The following PIK3C2G variants were observed in gnomAD, a reference collection of about 807,000 sequenced individuals.
PIK3C2G encodes phosphatidylinositol-4-phosphate 3-kinase catalytic subunit type 2 gamma.
In PIK3C2G, 168 loss-of-function variants were observed where a neutral mutation model predicts 181.1. The observed-to-expected ratio is 0.93, with a 90% CI of 0.82 to 1.05. The LOEUF is 1.05. Among genes scored for constraint, PIK3C2G ranks in the 50% least tolerant of loss-of-function variants. The pLI, the probability that PIK3C2G is intolerant of heterozygous loss-of-function variation, is 0.00. For synonymous variants in PIK3C2G, 573 were observed against 592.2 expected (o/e 0.97, Z 0.47); for missense variants, 1,869 against 1,732.8 (o/e 1.08, Z -1.40).
At chr12:18,589,725 A>G (rs1946975651) in intron 29 of PIK3C2G, among the ~76,000 whole-genome samples, 1 of 152,016 alleles carries the variant, frequency 6.6e-6, no homozygotes, top group Non-Finnish European at 1.5e-5. Flanking sequence ...CACTCAGAGA[A>G]TACAATTTGT....
intron 18 of PIK3C2G, among the ~76,000 whole-genome samples, chr12:18,458,402 A>C (rs973575143): frequency 1.3e-5 from 2 of 152,176 alleles, no homozygotes; most frequent in African/African-American, 2.4e-5. Context: ...AGTCTTGCTT[A>C]GCACCATGCC....
intron 2 of PIK3C2G, chr12:18,285,534 T>C (rs1409609206): frequency 6.6e-6 from 1 of 152,014 alleles, no homozygotes; most frequent in African/African-American, 2.4e-5. Context: ...TGTATGTGGA[T>C]AAAAACTATT....
chr12:18,374,376 C>G (rs1040584754), intron 13 of PIK3C2G, among the ~76,000 whole-genome samples: 3 of 152,138 alleles, frequency 2.0e-5, no homozygotes, highest in Admixed American at 6.5e-5. Flanking sequence ...TCAGATGTAT[C>G]TTCAAAATCA....
rs199960350 is a variant in PIK3C2G, at chr12:18,640,436, C to T, written c.4190C>T (p.Pro1397Leu). The change falls in exon 32 of 33, where the codon CCA (proline) becomes CTA (leucine). Residue 1397 changes from proline (P) to leucine (L), a missense_variant. Coordinates refer to ENST00000538779, the MANE Select transcript of PIK3C2G (RefSeq NM_001288772.2). ...LVKHMKNIHL[P>L]DGSAPSAHVE... Reference sequence around the variant, plus strand: ...AACCATTTTCCTTTGCAGCATCTCCCAGATGGCTCTGCGCCCAGTGCACAT... The same window carrying T: ...AACCATTTTCCTTTGCAGCATCTCCTAGATGGCTCTGCGCCCAGTGCACAT... 6.8e-6 allele frequency: 11 copies of T among 1,609,604 alleles called. No individual in the cohort carries two copies. Among genetic ancestry groups the T allele is most frequent in the Non-Finnish European group, 9.3e-6 (11 of 1,177,576 alleles).
intron 18 of PIK3C2G, among the ~76,000 whole-genome samples, chr12:18,428,687 T>C (rs188084948): frequency 1.3e-5 from 2 of 152,136 alleles, no homozygotes; most frequent in Admixed American, 1.3e-4. Context: ...AGAGGTGAAA[T>C]TGACTTAGGC....
the PIK3C2G span, among the ~76,000 whole-genome samples, chr12:18,680,669 T>C: frequency 6.6e-6 from 1 of 152,054 alleles, no homozygotes; most frequent in South Asian, 2.1e-4. Flanking sequence ...AGTCAGAATT[T>C]GTCCAGCCAA....
At chr12:18,606,816 A>G (rs1187858290) in intron 30 of PIK3C2G, among the ~76,000 whole-genome samples, 1 of 152,124 alleles carries the variant, frequency 6.6e-6, no homozygotes, top group South Asian at 2.1e-4. Flanking sequence ...ACCAAAGATT[A>G]TAAGGGAAAT....
intron 31 of PIK3C2G, among the ~76,000 whole-genome samples, chr12:18,639,255 A>AAT (rs553644517): frequency 1.3e-5 from 2 of 152,138 alleles, no homozygotes; most frequent in South Asian, 4.1e-4. Flanking sequence ...GTCCTATAAT[A>AAT]ATATATATCA....
At chr12:18,403,399 CTA>C (rs1944360020) in intron 16 of PIK3C2G, among the ~76,000 whole-genome samples, 1 of 152,134 alleles carries the variant, frequency 6.6e-6, no homozygotes, top group Admixed American at 6.6e-5. Flanking sequence ...TTTTACTGAA[CTA>C]TTAAAAAACT....
chr12:18,697,868 C>A, the PIK3C2G span, among the ~76,000 whole-genome samples: 3 of 139,036 alleles, frequency 2.2e-5, no homozygotes, highest in African/African-American at 8.7e-5. Flanking sequence ...CCTTTGCAGA[C>A]ATCATTGATT....
intron 28 of PIK3C2G, among the ~76,000 whole-genome samples, 168 bp from the exon 29 acceptor site, chr12:18,566,781 C>G (rs1422531233): frequency 1.3e-5 from 2 of 151,966 alleles, no homozygotes; most frequent in African/African-American, 4.8e-5. Flanking sequence ...GCATGAATGA[C>G]CACAGCCATA....
In PIK3C2G at chr12:18,594,572, A is replaced by G. The variant is rs1429413496; in HGVS notation, c.4087+3A>G. The G allele has an allele frequency of 2.7e-6, 4 of 1,478,056 alleles. No individual in the cohort carries two copies. The highest frequency in any genetic ancestry group is 2.7e-5 in the South Asian group (2 of 73,558). The allele number at this position is 1,478,056 out of a possible 1,614,324, so 91.6% of individuals were successfully genotyped here. ...AGAATCATCACCTGTGTACCTAGGTAAGTAAATTTGTCATTATATTACGTA... is the reference window on the plus strand; with the variant it reads ...AGAATCATCACCTGTGTACCTAGGTGAGTAAATTTGTCATTATATTACGTA... On this transcript the variant is annotated splice_donor_region_variant and intron_variant, in intron 30 of 32. Transcript: ENST00000538779.
Position 18,603,688 on chromosome 12 carries a change from C to T in PIK3C2G, c.4088-5847C>T, listed in dbSNP as rs143091963. ...AGCAGATTTCTCAGCAAAAACCCTA[C>T]AAGCTAGAAAGCATTTGGGCCCTAT... On this transcript the variant is annotated intron_variant, in intron 30 of 32. Transcript: ENST00000538779. 4.3e-3 allele frequency among the ~76,000 whole-genome samples: 660 copies of T among 152,164 alleles called. 6 individuals carry two copies. The highest frequency in any genetic ancestry group is 0.015 in the African/African-American group (632 of 41,430).
the PIK3C2G span, among the ~76,000 whole-genome samples, chr12:18,680,311 T>G: frequency 1.3e-5 from 2 of 152,044 alleles, no homozygotes; most frequent in Non-Finnish European, 1.5e-5. Context: ...CACAAAGATT[T>G]TGACTAGAAC....
chr12:18,679,194 G>A, the PIK3C2G span, among the ~76,000 whole-genome samples: 2 of 151,876 alleles, frequency 1.3e-5, no homozygotes. Flanking sequence ...TAAGGTGTAA[G>A]TATTCTTCAT....
At chr12:18,646,305 GAGCA>G (rs1950127012) in intron 32 of PIK3C2G, among the ~76,000 whole-genome samples, 1 of 152,158 alleles carries the variant, frequency 6.6e-6, no homozygotes, top group Non-Finnish European at 1.5e-5. Flanking sequence ...CATTGTGAAT[GAGCA>G]ACACCAGAAA....
In PIK3C2G at chr12:18,343,355, CA is replaced by C; in HGVS notation, c.1428del (p.Gly477AlafsTer2). 1 of 1,347,650 alleles carries C rather than the reference CA, an allele frequency of 7.4e-7. No individual in the cohort carries two copies. Among genetic ancestry groups the C allele is most frequent in the Non-Finnish European group, 1.0e-6 (1 of 973,272 alleles). 83.5% of individuals were successfully genotyped at this position (1,347,650 alleles called of 1,614,324 possible). A position where few individuals can be genotyped will look rare whatever the true frequency, so the allele number is the denominator to read the frequency against. On this transcript the variant is annotated frameshift_variant, in exon 10 of 33. Transcript: ENST00000538779. LOFTEE classifies it high-confidence loss of function. ...ENFYQSSETS[A>X]KGLIEKVTTE... ...TTTTATCAAAGTTCAGAGACTTCAG[CA>C]AAAGGTAAAACATACATGTACTCAA... is the stretch of plus-strand genomic sequence containing the variant.
At chr12:18,413,764 T>C (rs1435310904) in intron 16 of PIK3C2G, among the ~76,000 whole-genome samples, 1 of 152,126 alleles carries the variant, frequency 6.6e-6, no homozygotes, top group Non-Finnish European at 1.5e-5. Flanking sequence ...AAAGGAATTA[T>C]ATGTGCATTT....
the PIK3C2G span, among the ~76,000 whole-genome samples, chr12:18,718,216 A>T: frequency 1.8e-4 from 28 of 152,152 alleles, no homozygotes; most frequent in Non-Finnish European, 8.8e-5. Flanking sequence ...GTAAGTTGAG[A>T]AGCATCTGTA....
Sources: gnomAD v4.1 joint callset for allele counts (sites outside exome capture counted in the v4.1 genomes callset) on GRCh38, gnomAD v4.1.1 for gene constraint, MANE v1.5 for transcripts, NCBI Gene and HGNC (gene_info 2026-07-23, HGNC 2026-07-21) for gene names.